Variants in PALLD observed in about 807,000 individuals in gnomAD.
The protein encoded by PALLD is palladin, cytoskeletal associated protein, also known as palladin.
Under a neutral mutation model 123.5 loss-of-function variants are expected in PALLD, and 61 were observed. The observed-to-expected ratio is 0.49, with a 90% CI of 0.40 to 0.61. The LOEUF is 0.61. Among genes scored for constraint, PALLD ranks in the 20% least tolerant of loss-of-function variants. The pLI, the probability that PALLD is intolerant of heterozygous loss-of-function variation, is 0.00. For missense variants in PALLD, 1,273 were observed against 1,377.0 expected, an observed-to-expected ratio of 0.92 and a Z score of 1.20; for synonymous variants, 465 against 496.4, an observed-to-expected ratio of 0.94 and a Z score of 0.84.
At position 168,590,836 on chromosome 4, in the gene PALLD, C is replaced by T. The variant is rs75323389; in HGVS notation, c.909-77354C>T. Among the ~76,000 whole-genome samples the T allele has an allele frequency of 6.5e-3, 938 of 143,836 alleles. 12 individuals carry two copies. Among genetic ancestry groups the T allele is most frequent in the African/African-American group, 0.023 (881 of 38,854 alleles). 94.4% of individuals were successfully genotyped at this position (143,836 alleles called of 152,430 possible). A position where few individuals can be genotyped will look rare whatever the true frequency, so the allele number is the denominator to read the frequency against. On this transcript the variant is annotated intron_variant, in intron 2 of 21. Transcript: ENST00000505667. Reference sequence around the variant, plus strand: ...ATAAAATAGGTGAAGAAGAGTATGCCGTCTTTACTCAGAAGGGGACCTAGA... The same window carrying T: ...ATAAAATAGGTGAAGAAGAGTATGCTGTCTTTACTCAGAAGGGGACCTAGA...
At chr4:168,777,430 G>C (rs1735321051) in intron 10 of PALLD, among the ~76,000 whole-genome samples, 1 of 152,160 alleles carries the variant, frequency 6.6e-6, no homozygotes, top group Non-Finnish European at 1.5e-5. Context: ...TGATGGGGGA[G>C]ACGGGGTTTA....
intron 2 of PALLD, among the ~76,000 whole-genome samples, chr4:168,667,425 A>G (rs1449484386): frequency 6.6e-6 from 1 of 151,906 alleles, no homozygotes; most frequent in Non-Finnish European, 1.5e-5. Flanking sequence ...TTTTGTTTGT[A>G]TGTTTGTTTC....
intron 10 of PALLD, among the ~76,000 whole-genome samples, chr4:168,809,874 A>AAAT (rs369047877): frequency 2.7e-5 from 1 of 36,432 alleles, no homozygotes; most frequent in Non-Finnish European, 1.0e-4. Context: ...AAAAAAAAAA[A>AAAT]GAAAAAAAAA....
chr4:168,811,776 T>TCTCACA (rs1228399235), intron 10 of PALLD, among the ~76,000 whole-genome samples: 1 of 143,636 alleles, frequency 7.0e-6, no homozygotes, highest in African/African-American at 2.6e-5. Flanking sequence ...TCTCTCTCTC[T>TCTCACA]CACACACACA....
chr4:168,697,303 G>C (rs1197620192), intron 8 of PALLD, among the ~76,000 whole-genome samples: 4 of 152,234 alleles, frequency 2.6e-5, no homozygotes, highest in Non-Finnish European at 5.9e-5. Flanking sequence ...ACCACAGCAA[G>C]AGAATTAATC....
chr4:168,910,521 G>A (rs182229069), intron 15 of PALLD, among the ~76,000 whole-genome samples: 109 of 152,132 alleles, frequency 7.2e-4, no homozygotes, highest in African/African-American at 2.2e-3. Flanking sequence ...AATTCTAAAG[G>A]ATGCCTCAAA....
intron 17 of PALLD, 98 bp downstream of exon 17, chr4:168,916,125 AATG>A: frequency 8.2e-7 from 1 of 1,221,246 alleles, no homozygotes; most frequent in South Asian, 1.2e-5. Flanking sequence ...TAAAGTATAA[AATG>A]AGAGCTGGGC....
intron 10 of PALLD, among the ~76,000 whole-genome samples, chr4:168,859,266 C>T (rs1189283136): frequency 6.6e-6 from 1 of 152,166 alleles, no homozygotes. Context: ...GATAGTTATC[C>T]ATGCTCACAG....
intron 10 of PALLD, among the ~76,000 whole-genome samples, chr4:168,715,372 T>G (rs892963021): frequency 6.6e-6 from 1 of 152,236 alleles, no homozygotes; most frequent in African/African-American, 2.4e-5. Context: ...GCTGTGGGAC[T>G]GCGAAGTGTG....
At chr4:168,726,640 T>C (rs966679630) in intron 10 of PALLD, among the ~76,000 whole-genome samples, 2 of 152,040 alleles carry the variant, frequency 1.3e-5, no homozygotes, top group African/African-American at 4.8e-5. Context: ...GCCTTAGCCT[T>C]CCAAAGTGTT....
At chr4:168,916,127 T>C in intron 17 of PALLD, 100 bp downstream of exon 17, 1 of 1,207,512 alleles carries the variant, frequency 8.3e-7, no homozygotes, top group South Asian at 1.2e-5. Flanking sequence ...AAGTATAAAA[T>C]GAGAGCTGGG....
intron 10 of PALLD, among the ~76,000 whole-genome samples, chr4:168,774,713 G>A: frequency 8.7e-6 from 1 of 115,006 alleles, no homozygotes; most frequent in African/African-American, 3.6e-5. Context: ...GGGAAACAGA[G>A]CAAGACTGCA....
intron 10 of PALLD, among the ~76,000 whole-genome samples, chr4:168,875,208 A>G (rs1751585887): frequency 1.3e-5 from 2 of 152,272 alleles, no homozygotes; most frequent in African/African-American, 2.4e-5. Context: ...AGCAGAAAAA[A>G]AAACGGAGAA....
intron 10 of PALLD, among the ~76,000 whole-genome samples, chr4:168,798,694 T>C (rs1259493207): frequency 6.6e-6 from 1 of 152,222 alleles, no homozygotes; most frequent in Non-Finnish European, 1.5e-5. Context: ...TGTAAACTGA[T>C]TTTTATCCTA....
chr4:168,605,101 A>T (rs760707920), intron 2 of PALLD, among the ~76,000 whole-genome samples: 1 of 152,112 alleles, frequency 6.6e-6, no homozygotes, highest in Non-Finnish European at 1.5e-5. Flanking sequence ...GGGGGTAATT[A>T]ACTGAGCTCC....
In PALLD at chr4:168,800,657, G is replaced by A. The variant is rs72988910; in HGVS notation, c.1964+88734G>A. ...ACAGGATATTTCATATACTGCCAGT[G>A]GGAGTATAAATTGTTAAAAACCACG... On this transcript the variant is annotated intron_variant, in intron 10 of 21. Coordinates refer to ENST00000505667, the MANE Select transcript of PALLD (RefSeq NM_001166108.2). 2.9e-3 allele frequency among the ~76,000 whole-genome samples: 440 copies of A among 152,272 alleles called. 1 individual carries two copies. Among genetic ancestry groups the A allele is most frequent in the African/African-American group, 0.01 (419 of 41,548 alleles).
At chr4:168,841,624 G>A (rs1002937447) in intron 10 of PALLD, among the ~76,000 whole-genome samples, 2 of 152,118 alleles carry the variant, frequency 1.3e-5, no homozygotes, top group African/African-American at 2.4e-5. Context: ...CCACCTGACC[G>A]CTCTCTGTCT....
intron 1 of PALLD, among the ~76,000 whole-genome samples, chr4:168,499,520 A>T (rs1761170711): frequency 7.0e-6 from 1 of 142,836 alleles, no homozygotes; most frequent in Middle Eastern, 3.5e-3. Context: ...AATGGTTTGC[A>T]TTACTTTTTT....
At chr4:168,745,434 G>GA (rs1488464756) in intron 10 of PALLD, among the ~76,000 whole-genome samples, 6 of 133,416 alleles carry the variant, frequency 4.5e-5, no homozygotes, top group African/African-American at 1.6e-4. Context: ...GGGAGGGGGG[G>GA]GCAAATAATG....
Sources: gnomAD v4.1 joint callset for allele counts (sites outside exome capture counted in the v4.1 genomes callset) on GRCh38, gnomAD v4.1.1 for gene constraint, MANE v1.5 for transcripts, NCBI Gene and HGNC (gene_info 2026-07-23, HGNC 2026-07-21) for gene names.